ANXA7: variants seen among roughly 807,000 people sequenced by gnomAD.
ANXA7 encodes annexin VII.
Under a neutral mutation model 64.9 loss-of-function variants are expected in ANXA7, and 55 were observed. The observed-to-expected ratio is 0.85, with a 90% CI of 0.68 to 1.06. The LOEUF is 1.06. Among genes scored for constraint, ANXA7 ranks in the 50% least tolerant of loss-of-function variants. The pLI is 0.00. For synonymous variants in ANXA7, 200 were observed against 192.4 expected (o/e 1.04, Z -0.33); for missense variants, 548 against 582.1 (o/e 0.94, Z 0.60).
intron 5 of ANXA7, among the ~76,000 whole-genome samples, chr10:73,390,725 T>TATATATATATATATATATATAA (rs1217514163): frequency 9.6e-5 from 12 of 124,634 alleles, no homozygotes; most frequent in African/African-American, 3.0e-4. Flanking sequence ...TATATAAAAA[T>TATATATATATATATATATATAA]ATATATATAC....
At chr10:73,408,738 T>C (rs530807761) in intron 1 of ANXA7, among the ~76,000 whole-genome samples, 1 of 152,322 alleles carries the variant, frequency 6.6e-6, no homozygotes, top group African/African-American at 2.4e-5. Context: ...TAGAAATACT[T>C]GCACAAGGAC....
intron 5 of ANXA7, among the ~76,000 whole-genome samples, chr10:73,389,987 C>T (rs188440855): frequency 6.6e-6 from 1 of 152,204 alleles, no homozygotes; most frequent in African/African-American, 2.4e-5. Flanking sequence ...AGATGATGCT[C>T]CACTACTTTT....
In ANXA7 at chr10:73,398,253, G is replaced by A. The variant is rs781772738; in HGVS notation, c.187C>T (p.Pro63Ser). 7 of 1,614,038 alleles carry A rather than the reference G, an allele frequency of 4.3e-6. No individual in the cohort carries two copies. The highest frequency in any genetic ancestry group is 5.9e-6 in the Non-Finnish European group (7 of 1,180,020). The change falls in exon 3 of 13, where the codon CCT becomes TCT. Residue 63 changes from proline (P) to serine (S), a missense_variant. Transcript: ENST00000372921. ...CCTCCAGGGGCTGGATAACCTCCAG[G>A]CGCAGGGTAGCCTCCAGCTCCTGGG... ...GYPGAGGYPA[P>S]GGYPAPGGYP... is the part of the protein sequence containing the mutation.
Position 73,398,248 on chromosome 10 carries a change from T to G in ANXA7, c.192A>C (p.Gly64=). 1 of 1,613,992 alleles carries G rather than the reference T, an allele frequency of 6.2e-7. No homozygotes were observed. Among genetic ancestry groups the G allele is most frequent in the Non-Finnish European group, 8.5e-7 (1 of 1,179,996 alleles). ...GATAGCCTCCAGGGGCTGGATAACC[T>G]CCAGGCGCAGGGTAGCCTCCAGCTC... ...YPGAGGYPAP[G]GYPAPGGYPG... Residue 64 remains glycine (G), a synonymous_variant, in exon 3 of 13, where the codon GGA becomes GGC. Transcript: ENST00000372921.
At chr10:73,412,068 C>T (rs1283812526) in intron 1 of ANXA7, among the ~76,000 whole-genome samples, 1 of 151,888 alleles carries the variant, frequency 6.6e-6, no homozygotes, top group Non-Finnish European at 1.5e-5. Flanking sequence ...GATGGAGTCT[C>T]GCTCTGTTGC....
At chr10:73,378,392 A>G (rs995665528) in intron 12 of ANXA7, among the ~76,000 whole-genome samples, 1 of 151,710 alleles carries the variant, frequency 6.6e-6, no homozygotes, top group Non-Finnish European at 1.5e-5. Context: ...AAAAAAAAAA[A>G]AAAAAAAAAT....
At chr10:73,378,479 G>A (rs114803264) in intron 12 of ANXA7, among the ~76,000 whole-genome samples, 2,534 of 151,528 alleles carry the variant, frequency 0.017, 69 homozygotes, top group African/African-American at 0.057. Context: ...TTAAAAATGA[G>A]GCTATACTTG....
In ANXA7 at chr10:73,377,773, G is replaced by GGTGTGTGTGTGTGTGT. The variant is rs368036663; in HGVS notation, c.1278+1122_1278+1137dup. Among the ~76,000 whole-genome samples, 105 of 124,846 alleles carry GGTGTGTGTGTGTGTGT rather than the reference G, an allele frequency of 8.4e-4. 1 individual carries two copies. The highest frequency in any genetic ancestry group is 3.2e-3 in the African/African-American group (99 of 31,118). 81.9% of individuals were successfully genotyped at this position (124,846 alleles called of 152,430 possible). ...ACTACCATGCCGGGGGGTGGGTGTG[G>GGTGTGTGTGTGTGTGT]GTGTGTGTGTGTGTGTGTGTGTGTG... On this transcript the variant is annotated intron_variant, in intron 12 of 12. Coordinates refer to ENST00000372921, the MANE Select transcript of ANXA7 (RefSeq NM_001156.5).
At chr10:73,386,684 T>C (rs925336103) in intron 7 of ANXA7, among the ~76,000 whole-genome samples, 1 of 152,184 alleles carries the variant, frequency 6.6e-6, no homozygotes, top group Non-Finnish European at 1.5e-5. Flanking sequence ...TTATTTTTTT[T>C]TGAGACAGCG....
intron 1 of ANXA7, among the ~76,000 whole-genome samples, chr10:73,410,569 G>A (rs1369118461): frequency 6.6e-6 from 1 of 152,110 alleles, no homozygotes; most frequent in Non-Finnish European, 1.5e-5. Context: ...GATCACCTGA[G>A]GTTGGGAGTT....
rs1490362628 is a variant in ANXA7, at chr10:73,404,407, AT to A, written c.-1-3551del. Among the ~76,000 whole-genome samples, 6 of 152,316 alleles carry A rather than the reference AT, an allele frequency of 3.9e-5. No individual in the cohort carries two copies. In the East Asian group the frequency reaches 9.6e-4, roughly 24 times the overall value. ...CCTGCACATCAAGTGATGTTAAGAC[AT>A]TACTATTTTTTTGGTGTGATAATGG... On this transcript the variant is annotated intron_variant, in intron 1 of 12. Coordinates refer to ENST00000372921, the MANE Select transcript of ANXA7 (RefSeq NM_001156.5).
chr10:73,394,675 A>G (rs2055541357), intron 5 of ANXA7, among the ~76,000 whole-genome samples: 2 of 152,172 alleles, frequency 1.3e-5, no homozygotes, highest in South Asian at 4.1e-4. Context: ...ACACTTGGAC[A>G]CAGGATGGGG....
At chr10:73,379,998 C>G (rs1383352166) in intron 10 of ANXA7, 33 bp downstream of exon 10, 4 of 1,612,152 alleles carry the variant, frequency 2.5e-6, no homozygotes, top group Non-Finnish European at 3.4e-6. Context: ...TATCTTACAG[C>G]AGAAGCCAAA....
At chr10:73,410,182 G>A (rs187602524) in intron 1 of ANXA7, among the ~76,000 whole-genome samples, 4 of 151,604 alleles carry the variant, frequency 2.6e-5, no homozygotes, top group East Asian at 3.9e-4. Flanking sequence ...AAAAAGCTTC[G>A]GCACAGCAAA....
At chr10:73,410,525 T>C (rs1056038835) in intron 1 of ANXA7, among the ~76,000 whole-genome samples, 2 of 152,172 alleles carry the variant, frequency 1.3e-5, no homozygotes, top group African/African-American at 2.4e-5. Flanking sequence ...AGCCCCCATC[T>C]GTAATCCCAG....
At chr10:73,392,452 A>G (rs113080962) in intron 5 of ANXA7, among the ~76,000 whole-genome samples, 15,469 of 152,258 alleles carry the variant, frequency 0.1, 1,125 homozygotes, top group East Asian at 0.3. Flanking sequence ...AAAATCCTCA[A>G]TAAAATACTG....
At chr10:73,403,039 G>A (rs1395857477) in intron 1 of ANXA7, among the ~76,000 whole-genome samples, 1 of 152,164 alleles carries the variant, frequency 6.6e-6, no homozygotes, top group Non-Finnish European at 1.5e-5. Flanking sequence ...TGGCCAGGCT[G>A]GTCTTGAACT....
At chr10:73,411,614 T>G (rs946984294) in intron 1 of ANXA7, among the ~76,000 whole-genome samples, 1 of 152,118 alleles carries the variant, frequency 6.6e-6, no homozygotes, top group African/African-American at 2.4e-5. Context: ...GTATTTTTAG[T>G]ACAGACAGGG....
chr10:73,390,662 G>A (rs1282172989), intron 5 of ANXA7, among the ~76,000 whole-genome samples: 1 of 144,308 alleles, frequency 6.9e-6, no homozygotes, highest in Non-Finnish European at 1.5e-5. Flanking sequence ...ACCATTTGAT[G>A]ATTCTCATTT....
Sources: gnomAD v4.1 joint callset for allele counts (sites outside exome capture counted in the v4.1 genomes callset) on GRCh38, gnomAD v4.1.1 for gene constraint, MANE v1.5 for transcripts, NCBI Gene and HGNC (gene_info 2026-07-23, HGNC 2026-07-21) for gene names.